The following CARNMT1 variants were observed in gnomAD, a reference collection of about 807,000 sequenced individuals.
CARNMT1 encodes the protein protein-L-histidine N-pros-methyltransferase CARNMT1.
In CARNMT1, 28 loss-of-function variants were observed where a neutral mutation model predicts 49.6. The observed-to-expected ratio is 0.56, with a 90% CI of 0.42 to 0.77. The LOEUF (loss-of-function observed/expected upper bound fraction) is 0.77, where lower values mean the gene tolerates loss of function less well. Among genes scored for constraint, CARNMT1 ranks in the 30% least tolerant of loss-of-function variants. The pLI is 0.00. For synonymous variants in CARNMT1, 178 were observed against 175.0 expected (o/e 1.02, Z -0.13); for missense variants, 421 against 512.6 (o/e 0.82, Z 1.73).
In CARNMT1 at chr9:75,026,994, C is replaced by T. The variant is rs184981437; in HGVS notation, c.230+1018G>A. On this transcript the variant is annotated intron_variant, in intron 1 of 7. Coordinates refer to ENST00000376834, the MANE Select transcript of CARNMT1 (RefSeq NM_152420.3). ...AAACAACTATAATACATAAGATGAA[C>T]AATATAAAAAAACTTTGCATAAAGC... 16 of 911,894 alleles carry T rather than the reference C, an allele frequency of 1.8e-5. No individual in the cohort carries two copies. The East Asian group carries it at 7.4e-4, about 42-fold the overall frequency. 56.5% of individuals were successfully genotyped at this position (911,894 alleles called of 1,614,324 possible). A position where few individuals can be genotyped will look rare whatever the true frequency, so the allele number is the denominator to read the frequency against.
chr9:75,020,473 G>A (rs972322984), intron 1 of CARNMT1, among the ~76,000 whole-genome samples: 3 of 151,888 alleles, frequency 2.0e-5, no homozygotes, highest in African/African-American at 7.3e-5. Context: ...TCACCATACT[G>A]TCCAGGATGG....
Position 75,028,126 on chromosome 9 carries a change from G to C in CARNMT1, c.116C>G (p.Ser39Trp). The C allele has an allele frequency of 6.4e-7, 1 of 1,553,616 alleles. No homozygotes were observed. The change falls in exon 1 of 8, where the codon TCG (serine) becomes TGG (tryptophan). Residue 39 changes from serine (S) to tryptophan (W), a missense_variant. This residue lies in a region of CARNMT1 where 186 missense variants were observed against 167.9 expected (regional missense o/e 1.11). Transcript: ENST00000376834. Reference sequence around the variant, plus strand: ...CGCTGCCGCCGAAACCGCCGCGGCCGAGCCCCAACGCCCGGCGGAAAACTG... The same window carrying C: ...CGCTGCCGCCGAAACCGCCGCGGCCCAGCCCCAACGCCCGGCGGAAAACTG... ...EVQFSAGRWG[S>W]AAAVSAAAAA...
chr9:75,008,168 TAAAAAAAAAA>T lies in CARNMT1; in HGVS notation c.590+8090_590+8099del, dbSNP rs71368697. Among the ~76,000 whole-genome samples, 100 of 48,718 alleles carry T rather than the reference TAAAAAAAAAA, an allele frequency of 2.1e-3. 4 individuals are homozygous for T. The South Asian group carries it at 0.09, about 44-fold the overall frequency. The allele number at this position is 48,718 out of a possible 152,430, so 32.0% of individuals were successfully genotyped here. On this transcript the variant is annotated intron_variant, in intron 3 of 7. Coordinates refer to ENST00000376834, the MANE Select transcript of CARNMT1 (RefSeq NM_152420.3). ...ATAACACTAAAAACAGCTGATGAGCTAAAAAAAAAAAAAAAAAAAAAAAAAAAACCCTCAT... is the reference window on the plus strand; with the variant it reads ...ATAACACTAAAAACAGCTGATGAGCTAAAAAAAAAAAAAAAAAACCCTCAT...
chr9:74,990,924 T>C (rs1431068117), intron 6 of CARNMT1, among the ~76,000 whole-genome samples: 1 of 152,188 alleles, frequency 6.6e-6, no homozygotes, highest in Non-Finnish European at 1.5e-5. Flanking sequence ...AAAAATGTAC[T>C]GTAGGCTGTT....
In CARNMT1 at chr9:74,981,359, T is replaced by G. The variant is rs1832688568; in HGVS notation, c.*2408A>C. On this transcript the variant is annotated 3_prime_UTR_variant, in exon 8 of 8. Coordinates refer to ENST00000376834, the MANE Select transcript of CARNMT1 (RefSeq NM_152420.3). Reference sequence around the variant, plus strand: ...CATTTCATAAAGTAAATGAAAATGTTTGTGTATAAAGCTAATTTAAGAAAA... The same window carrying G: ...CATTTCATAAAGTAAATGAAAATGTGTGTGTATAAAGCTAATTTAAGAAAA... The G allele has an allele frequency of 6.6e-6, 1 of 152,126 alleles. No individual in the cohort carries two copies. Among genetic ancestry groups the G allele is most frequent in the Admixed American group, 6.6e-5 (1 of 15,258 alleles). 9.4% of individuals were successfully genotyped at this position (152,126 alleles called of 1,614,324 possible).
intron 3 of CARNMT1, among the ~76,000 whole-genome samples, chr9:75,012,298 T>C (rs1420368220): frequency 6.6e-6 from 1 of 151,360 alleles, no homozygotes; most frequent in Non-Finnish European, 1.5e-5. Flanking sequence ...TTTTTTTTTT[T>C]TTTTCTTTGA....
chr9:75,000,801 C>G (rs138268261), intron 3 of CARNMT1, among the ~76,000 whole-genome samples: 1 of 152,188 alleles, frequency 6.6e-6, no homozygotes, highest in East Asian at 1.9e-4. Flanking sequence ...AACTATGTGG[C>G]CTTTAAGTTT....
rs10869464 is a variant in CARNMT1, at chr9:74,982,446, A to C, written c.*1321T>G. On this transcript the variant is annotated 3_prime_UTR_variant, in exon 8 of 8. Coordinates refer to ENST00000376834, the MANE Select transcript of CARNMT1 (RefSeq NM_152420.3). ...TCATACATTAAAAAATACAAAGGAA[A>C]ACTCCCTCCAATAAAGATCTGCTAG... is the stretch of plus-strand genomic sequence containing the variant. 47,301 of 151,976 alleles carry C rather than the reference A, an allele frequency of 0.31. 8,276 individuals are homozygous for C. The highest frequency in any genetic ancestry group is 0.39 in the Non-Finnish European group (26,339 of 67,928). 9.4% of individuals were successfully genotyped at this position (151,976 alleles called of 1,614,324 possible).
rs1041929072 is a variant in CARNMT1 at position 74,987,088 on chromosome 9, C to A, written c.1025-2078G>T. Reference sequence around the variant, plus strand: ...GAAGGCCAGAGAATAAACATTTTTACTGACCTGATTCAGAATGCCAAAAAT... The same window carrying A: ...GAAGGCCAGAGAATAAACATTTTTAATGACCTGATTCAGAATGCCAAAAAT... On this transcript the variant is annotated intron_variant, in intron 6 of 7. Transcript: ENST00000376834. Among the ~76,000 whole-genome samples the A allele has an allele frequency of 2.6e-5, 4 of 152,302 alleles. No individual in the cohort carries two copies. In the East Asian group the frequency reaches 7.7e-4, roughly 29 times the overall value.
intron 2 of CARNMT1, 84 bp from the exon 3 acceptor site, chr9:75,016,515 A>T: frequency 7.6e-7 from 1 of 1,323,536 alleles, no homozygotes; most frequent in Non-Finnish European, 1.0e-6. Context: ...CTAAGGGGCT[A>T]TATAGGTGGT....
intron 3 of CARNMT1, among the ~76,000 whole-genome samples, chr9:75,014,268 T>C (rs879442776): frequency 1.3e-5 from 2 of 152,160 alleles, no homozygotes; most frequent in Admixed American, 6.5e-5. Flanking sequence ...CACAGAGGTA[T>C]GGATGAAGCA....
At chr9:75,020,270 T>TA (rs1234562448) in intron 1 of CARNMT1, among the ~76,000 whole-genome samples, 1 of 43,322 alleles carries the variant, frequency 2.3e-5, no homozygotes, top group African/African-American at 6.5e-5. Flanking sequence ...TTTTCTTCTT[T>TA]TTTTTTTTTT....
At chr9:75,022,190 G>A (rs952636656) in intron 1 of CARNMT1, among the ~76,000 whole-genome samples, 1 of 135,138 alleles carries the variant, frequency 7.4e-6, no homozygotes, top group Non-Finnish European at 1.6e-5. Context: ...CTCAAAACCA[G>A]AATTACCAGG....
chr9:75,020,184 T>C (rs1278664479), intron 1 of CARNMT1, among the ~76,000 whole-genome samples: 1 of 152,058 alleles, frequency 6.6e-6, no homozygotes, highest in Non-Finnish European at 1.5e-5. Context: ...TATATGTATG[T>C]GTATATGTTT....
chr9:74,987,570 A>G (rs1354157853), intron 6 of CARNMT1, among the ~76,000 whole-genome samples: 1 of 152,184 alleles, frequency 6.6e-6, no homozygotes, highest in East Asian at 1.9e-4. Context: ...CATTCTAGAA[A>G]AGGGAAAACT....
chr9:75,012,691 G>A (rs1044711105), intron 3 of CARNMT1, among the ~76,000 whole-genome samples: 7 of 151,886 alleles, frequency 4.6e-5, no homozygotes, highest in Non-Finnish European at 1.0e-4. Context: ...GAGTTTGCAC[G>A]GCAAAGTTCA....
rs1832749239 is a variant in CARNMT1, at chr9:74,983,873, A to G, written c.1129-5T>C. 3 of 1,580,310 alleles carry G rather than the reference A, an allele frequency of 1.9e-6. No homozygotes were observed. The highest frequency in any genetic ancestry group is 2.6e-6 in the Non-Finnish European group (3 of 1,159,776). On this transcript the variant is annotated splice_polypyrimidine_tract_variant and splice_region_variant and intron_variant, in intron 7 of 7. Transcript: ENST00000376834. ...CAATACAGATTCTTTTTCCACCTGC[A>G]ATGCAAACAATAATCATAATACTAT...
chr9:74,992,345 C>CT (rs1204645041), intron 6 of CARNMT1, among the ~76,000 whole-genome samples: 1 of 151,980 alleles, frequency 6.6e-6, no homozygotes, highest in Non-Finnish European at 1.5e-5. Flanking sequence ...TTTCAGTACA[C>CT]TTTACAAAGA....
intron 3 of CARNMT1, among the ~76,000 whole-genome samples, chr9:75,000,765 C>A (rs1300526844): frequency 2.0e-5 from 3 of 152,150 alleles, no homozygotes; most frequent in Non-Finnish European, 4.4e-5. Context: ...TCCAAATCTA[C>A]TCCTACTAAT....
Sources: gnomAD v4.1 joint callset for allele counts (sites outside exome capture counted in the v4.1 genomes callset) on GRCh38, gnomAD v4.1.1 for gene constraint, gnomAD v4.1.1 regional missense constraint, MANE v1.5 for transcripts, NCBI Gene and HGNC (gene_info 2026-07-23, HGNC 2026-07-21) for gene names.